The following EEF1D variants were observed in gnomAD, a reference collection of about 807,000 sequenced individuals.
The protein encoded by EEF1D is elongation factor 1-delta.
In EEF1D, 47 loss-of-function variants were observed where a neutral mutation model predicts 63.9. That is an observed-to-expected ratio of 0.74 (90% CI 0.58 to 0.94). EEF1D has a LOEUF of 0.94. EEF1D is among the 40% of genes least tolerant of loss of function. The pLI is 0.00. For synonymous variants in EEF1D, 412 were observed against 386.1 expected, an observed-to-expected ratio of 1.07 and a Z score of -0.79; for missense variants, 907 against 899.0, an observed-to-expected ratio of 1.01 and a Z score of -0.11.
rs1178278884 is a variant in EEF1D, at chr8:143,587,121, C to T, written c.1092-269G>A. The T allele has an allele frequency of 7.7e-5, 23 of 300,546 alleles. No individual in the cohort carries two copies. The Admixed American group carries it at 1.1e-3, about 15-fold the overall frequency. The allele number at this position is 300,546 out of a possible 1,614,324, so 18.6% of individuals were successfully genotyped here. On this transcript the variant is annotated intron_variant, in intron 3 of 9. Coordinates refer to ENST00000618139, the MANE Select transcript of EEF1D (RefSeq NM_001130053.5). ...CACACGAAGCTGGGTTTATGTCAAA[C>T]AGCTGAAGTGCGGAGGCAGGTATGA...
chr8:143,586,370 A>G, intron 4 of EEF1D, 80 bp from the exon 5 acceptor site: 1 of 1,297,730 alleles, frequency 7.7e-7, no homozygotes, highest in Admixed American at 2.7e-5. Flanking sequence ...AAAAAACCCC[A>G]TGAACCCTCA....
Position 143,581,067 on chromosome 8 carries a change from G to A in EEF1D, c.1475C>T (p.Ala492Val). The A allele has an allele frequency of 6.2e-7, 1 of 1,611,834 alleles. No homozygotes were observed. Among genetic ancestry groups the A allele is most frequent in the Non-Finnish European group, 8.5e-7 (1 of 1,179,946 alleles). ...EKSSPGHRATAPQTQHVSPMR... is the reference protein window; with the variant it reads ...EKSSPGHRATVPQTQHVSPMR... ...GAGAGCATTCACCTGGGTCTGTGGG[G>A]CCGTGGCCCGGTGGCCAGGCGAGCT... is the stretch of plus-strand genomic sequence containing the variant. Residue 492 changes from alanine to valine, a missense_variant, in exon 7 of 10, where the codon GCC becomes GTC. Ala to Val is a moderately conservative substitution (Grantham distance 64, BLOSUM62 0). Coordinates refer to ENST00000618139, the MANE Select transcript of EEF1D (RefSeq NM_001130053.5).
Position 143,580,372 on chromosome 8 carries a change from T to C in EEF1D, c.1710+134A>G, listed in dbSNP as rs879212291. On this transcript the variant is annotated intron_variant, in intron 8 of 9. Coordinates refer to ENST00000618139, the MANE Select transcript of EEF1D (RefSeq NM_001130053.5). ...ACCTTCCTGCCTCCAAGTTTGTGTTTATCCCAAGACTTCTAAACTCGGCTT... is the reference window on the plus strand; with the variant it reads ...ACCTTCCTGCCTCCAAGTTTGTGTTCATCCCAAGACTTCTAAACTCGGCTT... 3 of 1,287,374 alleles carry C rather than the reference T, an allele frequency of 2.3e-6. No homozygotes were observed. The Admixed American group carries it at 7.1e-5, about 31-fold the overall frequency. The allele number at this position is 1,287,374 out of a possible 1,614,324, so 79.7% of individuals were successfully genotyped here.
chr8:143,586,407 C>T, intron 4 of EEF1D, 117 bp from the exon 5 acceptor site: 2 of 1,030,180 alleles, frequency 1.9e-6, no homozygotes, highest in Non-Finnish European at 2.8e-6. Flanking sequence ...AAGTACTGCA[C>T]AGAACGAGAG....
intron 3 of EEF1D, chr8:143,587,069 A>G (rs1826804725): frequency 1.9e-6 from 1 of 514,404 alleles, no homozygotes; most frequent in Non-Finnish European, 3.4e-6. Context: ...AGAACCTCTG[A>G]GGGTCCCCAG....
chr8:143,590,289 A>G (rs1362353210), intron 2 of EEF1D: 22 of 795,586 alleles, frequency 2.8e-5, no homozygotes, highest in Non-Finnish European at 4.4e-5. Flanking sequence ...TGTTGTGAAG[A>G]GAAAACAGGC....
At position 143,589,542 on chromosome 8, in the gene EEF1D, C is replaced by A; in HGVS notation, c.540G>T (p.Trp180Cys). The change falls in exon 3 of 10, where the codon TGG becomes TGT. Residue 180 changes from tryptophan (W) to cysteine (C), a missense_variant. By Grantham distance (215) the Trp-to-Cys change is radical (BLOSUM62 -2). Transcript: ENST00000618139. ...FDQAERAFVE[W>C]SQALLLAPDG... The stretch of plus-strand genomic sequence containing the variant: ...CGGGGGCCAGCAACAGGGCCTGAGA[C>A]CACTCCACGAAGGCCCGCTCAGCCT... 1 of 1,515,242 alleles carries A rather than the reference C, an allele frequency of 6.6e-7. No individual in the cohort carries two copies. The highest frequency in any genetic ancestry group is 8.8e-7 in the Non-Finnish European group (1 of 1,131,050). The allele number at this position is 1,515,242 out of a possible 1,614,324, so 93.9% of individuals were successfully genotyped here.
intron 2 of EEF1D, among the ~76,000 whole-genome samples, chr8:143,591,251 T>A (rs1205430049): frequency 3.9e-5 from 6 of 152,212 alleles, no homozygotes. Flanking sequence ...GAGGCTCCAC[T>A]CCCCACTTGC....
At chr8:143,593,494 C>CT (rs1314069802) in intron 1 of EEF1D, among the ~76,000 whole-genome samples, 2 of 152,178 alleles carry the variant, frequency 1.3e-5, no homozygotes, top group Non-Finnish European at 2.9e-5. Flanking sequence ...AGAGCCCTGG[C>CT]TGGGATCCGT....
In EEF1D at chr8:143,586,866, G is replaced by C. The variant is rs749515582; in HGVS notation, c.1092-14C>G. The stretch of plus-strand genomic sequence containing the variant: ...GCCATTTTTCTGCTGGGAGGGGAAA[G>C]AGGCAAAGTCAGCATGGCTGGGAAG... On this transcript the variant is annotated splice_polypyrimidine_tract_variant and intron_variant, in intron 3 of 9. Transcript: ENST00000618139. The C allele has an allele frequency of 1.9e-6, 3 of 1,613,322 alleles. No individual in the cohort carries two copies. The highest frequency in any genetic ancestry group is 2.5e-6 in the Non-Finnish European group (3 of 1,179,308).
chr8:143,580,434 T>C, intron 8 of EEF1D, 72 bp downstream of exon 8: 13 of 1,541,138 alleles, frequency 8.4e-6, no homozygotes, highest in Non-Finnish European at 1.2e-5. Flanking sequence ...AGGGGGAGGG[T>C]CACAGGCTGA....
chr8:143,594,040 C>A, intron 1 of EEF1D: 1 of 422,926 alleles, frequency 2.4e-6, no homozygotes, highest in Non-Finnish European at 3.2e-6. Flanking sequence ...CCCCTTCGCT[C>A]CTGCAGTTTA....
In EEF1D at chr8:143,580,623, C is replaced by G; in HGVS notation, c.1593G>C (p.Glu531Asp). 1 of 1,613,876 alleles carries G rather than the reference C, an allele frequency of 6.2e-7. No homozygotes were observed. The highest frequency in any genetic ancestry group is 8.5e-7 in the Non-Finnish European group (1 of 1,179,914). Residue 531 changes from glutamate (E) to aspartate (D), a missense_variant, in exon 8 of 10, where the codon GAG becomes GAC. Physicochemically the swap from Glu to Asp is conservative, Grantham distance 45. Transcript: ENST00000618139. ...GCTGTGCCGCCTCCTTGTCCTCCTC[C>G]TCATTGTCACTGCCAAACAGGTCAA... ...DDIDLFGSDN[E>D]EEDKEAAQLR...
chr8:143,596,240 G>A (rs972519859), intron 1 of EEF1D: 3 of 152,428 alleles, frequency 2.0e-5, no homozygotes, highest in African/African-American at 4.8e-5. Flanking sequence ...CAGCCCAGGG[G>A]AGATGCTGCT....
intron 1 of EEF1D, chr8:143,594,542 G>A (rs1372570659): frequency 1.3e-5 from 2 of 152,474 alleles, no homozygotes; most frequent in Admixed American, 6.5e-5. Flanking sequence ...AGCTTTCTGG[G>A]AGGAGCTGGC....
intron 1 of EEF1D, chr8:143,596,543 AG>A (rs1828859796): frequency 6.6e-6 from 1 of 152,286 alleles, no homozygotes; most frequent in Admixed American, 6.5e-5. Flanking sequence ...TGCTCAGGTG[AG>A]ATGGCCTGGC....
At chr8:143,584,425 G>T (rs564128220) in intron 5 of EEF1D, among the ~76,000 whole-genome samples, 1 of 152,062 alleles carries the variant, frequency 6.6e-6, no homozygotes, top group South Asian at 2.1e-4. Flanking sequence ...ATGTCAGCTG[G>T]GCTTGGTGGC....
intron 5 of EEF1D, chr8:143,583,896 G>A (rs1826029488): frequency 6.6e-6 from 1 of 152,354 alleles, no homozygotes; most frequent in South Asian, 2.1e-4. Context: ...GAGCGAGGGA[G>A]GGGAGAGGGA....
At chr8:143,592,615 G>GGAAT in intron 2 of EEF1D, 32 bp downstream of exon 2, 1 of 985,700 alleles carries the variant, frequency 1.0e-6, no homozygotes, top group African/African-American at 1.7e-5. Flanking sequence ...CAAATGAAGG[G>GGAAT]GAATGGGGCA....
Sources: gnomAD v4.1 joint callset for allele counts (sites outside exome capture counted in the v4.1 genomes callset) on GRCh38, gnomAD v4.1.1 for gene constraint, MANE v1.5 for transcripts, NCBI Gene and HGNC (gene_info 2026-07-23, HGNC 2026-07-21) for gene names.